UNC79: variants seen among roughly 807,000 people sequenced by gnomAD.
UNC79 encodes the protein protein unc-79 homolog.
UNC79 carries 37 observed loss-of-function variants against 283.1 expected under a neutral mutation model. That is an observed-to-expected ratio of 0.13 (90% CI 0.10 to 0.17). The LOEUF (loss-of-function observed/expected upper bound fraction) is 0.17, where lower values mean the gene tolerates loss of function less well. Among genes scored for constraint, UNC79 ranks in the 10% least tolerant of loss-of-function variants. UNC79 has a pLI of 1.00. For synonymous variants in UNC79, 1,107 were observed against 1,200.2 expected, an observed-to-expected ratio of 0.92 and a Z score of 1.61; for missense variants, 2,272 against 3,211.1, an observed-to-expected ratio of 0.71 and a Z score of 7.07.
At chr14:93,669,339 T>TTG (rs781328832) in intron 40 of UNC79, among the ~76,000 whole-genome samples, 2 of 152,190 alleles carry the variant, frequency 1.3e-5, no homozygotes, top group Non-Finnish European at 1.5e-5. Context: ...AGAGCCCAGA[T>TTG]ATTCAGAGGT....
chr14:93,634,708 C>T (rs887115254), intron 31 of UNC79, 71 bp downstream of exon 34: 13 of 1,339,188 alleles, frequency 9.7e-6, no homozygotes, highest in Middle Eastern at 3.7e-4. Context: ...GTCCACTCTG[C>T]TCCCTTGTTA....
intron 14 of UNC79, among the ~76,000 whole-genome samples, chr14:93,563,565 GC>G (rs766658957): frequency 1.9e-4 from 29 of 152,170 alleles, no homozygotes; most frequent in Non-Finnish European, 4.1e-4. Flanking sequence ...AGGTAGTGCA[GC>G]GGGGGCAGAG....
intron 47 of UNC79, among the ~76,000 whole-genome samples, chr14:93,700,069 G>A (rs1039117096): frequency 9.5e-6 from 1 of 104,830 alleles, no homozygotes; most frequent in African/African-American, 3.7e-5. Flanking sequence ...GGATGGTTTC[G>A]GAGGTTTTTT....
chr14:93,622,023 T>C (rs28670114), exon 30 of UNC79: 272,829 of 1,613,788 alleles, frequency 0.17, 24,570 homozygotes, highest in Non-Finnish European at 0.18. Context: ...GACTCGCCGG[T>C]AAAGCCTGCT....
At chr14:93,347,958 C>T (rs2053899190) in intron 1 of UNC79, 6 of 939,192 alleles carry the variant, frequency 6.4e-6, no homozygotes, top group South Asian at 1.3e-5. Context: ...TTTTTAAGCA[C>T]TTTTTGTTAG....
At chr14:93,395,225 T>C (rs1209592411) in intron 1 of UNC79, among the ~76,000 whole-genome samples, 1 of 152,232 alleles carries the variant, frequency 6.6e-6, no homozygotes, top group African/African-American at 2.4e-5. Flanking sequence ...TAGGTTTTTG[T>C]TTATCTGGAA....
At chr14:93,580,242 T>C (rs1388664668) in exon 19 of UNC79, 1 of 1,613,948 alleles carries the variant, frequency 6.2e-7, no homozygotes, top group Non-Finnish European at 8.5e-7. Context: ...CCAAGCCCCC[T>C]GGGGGGGATC....
intron 17 of UNC79, among the ~76,000 whole-genome samples, chr14:93,577,059 G>A (rs1406477290): frequency 6.8e-6 from 1 of 147,370 alleles, no homozygotes; most frequent in East Asian, 2.1e-4. Context: ...ACTTAGCTGG[G>A]CCTGGTGGTG....
intron 1 of UNC79, among the ~76,000 whole-genome samples, chr14:93,442,058 A>T (rs1231859518): frequency 6.6e-6 from 1 of 151,270 alleles, no homozygotes; most frequent in Non-Finnish European, 1.5e-5. Flanking sequence ...TTGTCACATC[A>T]TTTTTTTTGG....
At chr14:93,522,389 T>A (rs901994481) in intron 7 of UNC79, among the ~76,000 whole-genome samples, 2 of 152,044 alleles carry the variant, frequency 1.3e-5, no homozygotes, top group African/African-American at 4.8e-5. Context: ...AGCACAGTGA[T>A]AAGAAGGATC....
rs577086640 is a variant in UNC79, at chr14:93,382,059, A to G, written c.-351+48536A>G. On this transcript the variant is annotated intron_variant, in intron 1 of 49. Coordinates refer to the UNC79 transcript ENST00000256339. The stretch of plus-strand genomic sequence containing the variant: ...TTAAGATATTTTAAAAATTCCCTGA[A>G]CTGGACATATTATTAATTTCCGAAT... Among the ~76,000 whole-genome samples the G allele has an allele frequency of 7.2e-5, 11 of 152,274 alleles. No individual in the cohort carries two copies. In the East Asian group the frequency reaches 2.1e-3, roughly 29 times the overall value.
chr14:93,507,007 A>G (rs2059578547), intron 7 of UNC79, among the ~76,000 whole-genome samples: 1 of 152,212 alleles, frequency 6.6e-6, no homozygotes. Context: ...GAGATCAAAC[A>G]TGATACATTT....
At chr14:93,645,813 G>A (rs1029300405) in intron 34 of UNC79, among the ~76,000 whole-genome samples, 2 of 152,062 alleles carry the variant, frequency 1.3e-5, no homozygotes, top group African/African-American at 4.8e-5. Context: ...AGCATGAGAA[G>A]GTCTGTAAAC....
intron 2 of UNC79, among the ~76,000 whole-genome samples, chr14:93,472,895 G>A (rs1259615202): frequency 1.3e-5 from 2 of 152,092 alleles, no homozygotes; most frequent in Non-Finnish European, 2.9e-5. Flanking sequence ...CTTTGCAAGT[G>A]CGCAGATATT....
At chr14:93,540,676 G>A (rs139796738) in exon 13 of UNC79, 6 of 1,612,302 alleles carry the variant, frequency 3.7e-6, no homozygotes, top group Middle Eastern at 1.7e-4. Context: ...GAAAGAAGCC[G>A]AGTTCCATGC....
rs930121512 is a variant in UNC79 at position 93,387,132 on chromosome 14, G to A, written c.-351+53609G>A. On this transcript the variant is annotated intron_variant, in intron 1 of 49. Coordinates refer to the UNC79 transcript ENST00000256339. ...TAATTTTTTTGTATTTAGTAGAGAC[G>A]GGGTTTCACCATGTTAGTCAGGCTG... is the stretch of plus-strand genomic sequence containing the variant. 1.1e-4 allele frequency among the ~76,000 whole-genome samples: 17 copies of A among 151,496 alleles called. No individual in the cohort carries two copies. The East Asian group carries it at 1.9e-3, about 17-fold the overall frequency.
chr14:93,423,623 C>T (rs2055659077), intron 1 of UNC79, among the ~76,000 whole-genome samples: 1 of 152,182 alleles, frequency 6.6e-6, no homozygotes, highest in Non-Finnish European at 1.5e-5. Context: ...AAAGAACAGT[C>T]TCTTCAATAA....
intron 47 of UNC79, 91 bp downstream of exon 50, chr14:93,694,503 T>A: frequency 8.1e-7 from 1 of 1,235,502 alleles, no homozygotes; most frequent in Non-Finnish European, 1.2e-6. Context: ...AGATAATTAG[T>A]TTTAACATTC....
Position 93,688,796 on chromosome 14 carries a change from C to T in UNC79, c.7041C>T (p.Arg2347=). 1 of 1,614,044 alleles carries T rather than the reference C, an allele frequency of 6.2e-7. No individual in the cohort carries two copies. Among genetic ancestry groups the T allele is most frequent in the Non-Finnish European group, 8.5e-7 (1 of 1,179,988 alleles). Residue 2347 remains arginine, a synonymous_variant, in exon 44 of 49, where the codon CGC becomes CGT. Transcript: ENST00000555664. The surrounding 1 kb of genome is among the most constrained non-coding windows in gnomAD (Gnocchi z 4.0). ...ACAGAGATAACAAAGCTGTGATCCG[C>T]TATCTGCCTTGGCTTTATCATCCCC...
Sources: gnomAD v4.1 joint callset for allele counts (sites outside exome capture counted in the v4.1 genomes callset) on GRCh38, gnomAD v4.1.1 for gene constraint, Gnocchi (gnomAD v3.1) non-coding constraint, MANE v1.5 for transcripts, NCBI Gene and HGNC (gene_info 2026-07-23, HGNC 2026-07-21) for gene names.